LRRC72: variants seen among roughly 807,000 people sequenced by gnomAD.
LRRC72 encodes the protein leucine rich repeat containing 72, also known as leucine-rich repeat-containing protein 72.
Under a neutral mutation model 35.8 loss-of-function variants are expected in LRRC72, and 41 were observed. The ratio of observed to expected loss-of-function variants is 1.15; its 90% confidence interval spans 0.89 to 1.49. LRRC72 has a LOEUF of 1.49. Among genes scored for constraint, LRRC72 ranks in the 40% most tolerant of loss-of-function variants. LRRC72 has a pLI of 0.00. For synonymous variants in LRRC72, 118 were observed against 119.2 expected (o/e 0.99, Z 0.07); for missense variants, 389 against 330.7 (o/e 1.18, Z -1.37).
chr7:16,548,292 A>G (rs73078913), intron 3 of LRRC72, among the ~76,000 whole-genome samples: 29,136 of 152,136 alleles, frequency 0.19, 2,887 homozygotes, highest in Admixed American at 0.2. Flanking sequence ...AGACCTGCTG[A>G]ATGGCGGGGC....
At chr7:16,542,942 G>A (rs1002798513) in intron 3 of LRRC72, among the ~76,000 whole-genome samples, 3 of 152,108 alleles carry the variant, frequency 2.0e-5, no homozygotes, top group Non-Finnish European at 2.9e-5. Context: ...GGTTTAGTCC[G>A]TGTAGTACTG....
Position 16,557,485 on chromosome 7 carries a change from G to A in LRRC72, c.316+44G>A, listed in dbSNP as rs555071962. 2.5e-3 allele frequency: 1,919 copies of A among 761,344 alleles called. 5 individuals are homozygous for A. The highest frequency in any genetic ancestry group is 3.0e-3 in the Non-Finnish European group (1,590 of 537,704). 47.2% of individuals were successfully genotyped at this position (761,344 alleles called of 1,614,324 possible). On this transcript the variant is annotated intron_variant, in intron 4 of 8. Transcript: ENST00000401542. ...GTTGATTTAATAAATTTTCAATTAA[G>A]TAATAACTTTCAACTATGGTAATTG...
At chr7:16,537,339 T>C (rs1449555214) in intron 2 of LRRC72, among the ~76,000 whole-genome samples, 1 of 152,232 alleles carries the variant, frequency 6.6e-6, no homozygotes, top group Non-Finnish European at 1.5e-5. Context: ...AAAACTTGTT[T>C]TGAATTAAGG....
intron 3 of LRRC72, among the ~76,000 whole-genome samples, chr7:16,556,699 G>C (rs924382812): frequency 1.3e-5 from 2 of 152,164 alleles, no homozygotes; most frequent in South Asian, 4.1e-4. Context: ...TGCTGAAGCA[G>C]GTAGAAGTTT....
intron 3 of LRRC72, among the ~76,000 whole-genome samples, chr7:16,547,483 C>T (rs1018439469): frequency 1.7e-4 from 26 of 152,316 alleles, no homozygotes; most frequent in African/African-American, 5.1e-4. Flanking sequence ...CTCCTAGGCA[C>T]AGCTGCAGCT....
chr7:16,570,885 T>C (rs1339824783), intron 7 of LRRC72, among the ~76,000 whole-genome samples: 3 of 152,112 alleles, frequency 2.0e-5, no homozygotes, highest in Admixed American at 2.0e-4. Flanking sequence ...CAGTGCTTTT[T>C]CAAACCAGAA....
intron 7 of LRRC72, among the ~76,000 whole-genome samples, chr7:16,577,366 G>T (rs1205948840): frequency 6.6e-6 from 1 of 152,052 alleles, no homozygotes; most frequent in African/African-American, 2.4e-5. Flanking sequence ...TTCTAAGGGA[G>T]ATACCATATA....
intron 2 of LRRC72, 111 bp downstream of exon 2, chr7:16,532,679 A>G (rs562655765): frequency 1.2e-6 from 1 of 827,102 alleles, no homozygotes; most frequent in East Asian, 2.7e-5. Context: ...AGGACTGGGT[A>G]GGACTCCAAT....
chr7:16,559,087 G>T lies in LRRC72; in HGVS notation c.427+88G>T, dbSNP rs796524873. 5.3e-6 allele frequency: 4 copies of T among 754,162 alleles called. No individual in the cohort carries two copies. In the African/African-American group the frequency reaches 7.2e-5, roughly 13 times the overall value. 46.7% of individuals were successfully genotyped at this position (754,162 alleles called of 1,614,324 possible). On this transcript the variant is annotated intron_variant, in intron 5 of 8. Coordinates refer to ENST00000401542, the MANE Select transcript of LRRC72 (RefSeq NM_001195280.2). ...ATTTATCAAGTTTAAAATTAGAGAGGCAATGTTTATAATTAAGATATTTAG... is the reference window on the plus strand; with the variant it reads ...ATTTATCAAGTTTAAAATTAGAGAGTCAATGTTTATAATTAAGATATTTAG...
intron 7 of LRRC72, 74 bp downstream of exon 7, chr7:16,567,617 G>A: frequency 4.3e-6 from 5 of 1,176,346 alleles, no homozygotes; most frequent in Non-Finnish European, 5.6e-6. Context: ...TAATTTGATT[G>A]TAATAATAAC....
intron 3 of LRRC72, among the ~76,000 whole-genome samples, chr7:16,548,893 T>A (rs184040154): frequency 1.3e-5 from 2 of 152,344 alleles, no homozygotes; most frequent in Admixed American, 1.3e-4. Context: ...TCAACTTAGG[T>A]CATAATATAT....
chr7:16,575,997 C>T (rs1783034306), intron 7 of LRRC72, among the ~76,000 whole-genome samples: 1 of 152,052 alleles, frequency 6.6e-6, no homozygotes, highest in African/African-American at 2.4e-5. Flanking sequence ...ATTGAACCTC[C>T]AAAAACAAAA....
intron 7 of LRRC72, among the ~76,000 whole-genome samples, chr7:16,572,867 C>T (rs1056940623): frequency 4.6e-5 from 7 of 152,142 alleles, no homozygotes; most frequent in African/African-American, 1.7e-4. Context: ...CAAACTGTCT[C>T]TGCTTGCAGA....
At chr7:16,560,402 C>G (rs1782726012) in intron 5 of LRRC72, among the ~76,000 whole-genome samples, 1 of 152,088 alleles carries the variant, frequency 6.6e-6, no homozygotes, top group Admixed American at 6.6e-5. Flanking sequence ...ATTCTTTAAA[C>G]CCAAGTATTA....
Position 16,532,211 on chromosome 7 carries a change from T to TA in LRRC72, c.91-276dup, listed in dbSNP as rs375741934. On this transcript the variant is annotated intron_variant, in intron 1 of 8. Coordinates refer to ENST00000401542, the MANE Select transcript of LRRC72 (RefSeq NM_001195280.2). ...CCAAATTACCTTGCCTCATACAGAA[T>TA]AAAAAAAACTTGCTTTTGGTGTATA... 7.7e-3 allele frequency among the ~76,000 whole-genome samples: 1,177 copies of TA among 152,160 alleles called. 17 individuals are homozygous for TA. The highest frequency in any genetic ancestry group is 0.027 in the African/African-American group (1,105 of 41,542).
chr7:16,575,021 A>G (rs1266638262), intron 7 of LRRC72, among the ~76,000 whole-genome samples: 1 of 151,930 alleles, frequency 6.6e-6, no homozygotes, highest in Non-Finnish European at 1.5e-5. Flanking sequence ...AGGCTGAGGC[A>G]GGACAATCGG....
At position 16,554,959 on chromosome 7, in the gene LRRC72, C is replaced by T. The variant is rs908739770; in HGVS notation, c.235-2401C>T. 2.0e-5 allele frequency among the ~76,000 whole-genome samples: 3 copies of T among 152,186 alleles called. No homozygotes were observed. The East Asian group carries it at 5.8e-4, about 29-fold the overall frequency. On this transcript the variant is annotated intron_variant, in intron 3 of 8. Coordinates refer to ENST00000401542, the MANE Select transcript of LRRC72 (RefSeq NM_001195280.2). ...TTCTGATTTCCACTGGCATTGTTTTCCTACGCTGATGTCAAGTGTGGCTAT... is the reference window on the plus strand; with the variant it reads ...TTCTGATTTCCACTGGCATTGTTTTTCTACGCTGATGTCAAGTGTGGCTAT...
At chr7:16,546,287 T>C (rs1782441593) in intron 3 of LRRC72, among the ~76,000 whole-genome samples, 1 of 152,182 alleles carries the variant, frequency 6.6e-6, no homozygotes, top group African/African-American at 2.4e-5. Flanking sequence ...CTGGTCTATG[T>C]AAGGGACTTT....
At chr7:16,540,004 C>T (rs755615225) in intron 3 of LRRC72, among the ~76,000 whole-genome samples, 13 of 152,200 alleles carry the variant, frequency 8.5e-5, no homozygotes, top group Non-Finnish European at 1.6e-4. Context: ...TGGGGCACTG[C>T]CTAGTGGAGT....
Sources: gnomAD v4.1 joint callset for allele counts (sites outside exome capture counted in the v4.1 genomes callset) on GRCh38, gnomAD v4.1.1 for gene constraint, MANE v1.5 for transcripts, NCBI Gene and HGNC (gene_info 2026-07-23, HGNC 2026-07-21) for gene names.